METTL15: variants seen among roughly 807,000 people sequenced by gnomAD.
METTL15 encodes the protein 12S rRNA N(4)-cytidine methyltransferase METTL15.
In METTL15, 34 loss-of-function variants were observed where a neutral mutation model predicts 38.3. That is an observed-to-expected ratio of 0.89 (90% CI 0.68 to 1.18). The LOEUF (loss-of-function observed/expected upper bound fraction) is 1.18, where lower values mean the gene tolerates loss of function less well. Ranked by LOEUF, METTL15 falls within the 50% of genes most tolerant of loss-of-function variation. The probability of loss-of-function intolerance (pLI) is 0.00; values close to 1 mark genes in which losing one functional copy is unlikely to be tolerated. For missense variants in METTL15, 438 were observed against 498.4 expected, an observed-to-expected ratio of 0.88 and a Z score of 1.15; for synonymous variants, 162 against 170.9, an observed-to-expected ratio of 0.95 and a Z score of 0.41.
At chr11:28,501,201 G>C (rs1405517357) in intron 6 of METTL15, among the ~76,000 whole-genome samples, 1 of 152,186 alleles carries the variant, frequency 6.6e-6, no homozygotes, top group Non-Finnish European at 1.5e-5. Flanking sequence ...TAGATGGGCA[G>C]CTATGTGCCC....
At chr11:28,258,858 C>G (rs1402127030) in intron 4 of METTL15, among the ~76,000 whole-genome samples, 1 of 152,122 alleles carries the variant, frequency 6.6e-6, no homozygotes, top group Non-Finnish European at 1.5e-5. Flanking sequence ...AGCCTACTTG[C>G]TACTCTGCCC....
At chr11:28,474,606 C>T (rs1026464160) in intron 6 of METTL15, among the ~76,000 whole-genome samples, 1 of 152,160 alleles carries the variant, frequency 6.6e-6, no homozygotes, top group African/African-American at 2.4e-5. Flanking sequence ...ACTGAAAAGA[C>T]TCCTGGTCTA....
intron 6 of METTL15, among the ~76,000 whole-genome samples, chr11:28,452,920 A>C (rs139367063): frequency 1.3e-5 from 2 of 152,194 alleles, no homozygotes; most frequent in Non-Finnish European, 2.9e-5. Flanking sequence ...CACAAATGTT[A>C]TACTTGTGGC....
intron 3 of METTL15, among the ~76,000 whole-genome samples, chr11:28,135,756 TA>T (rs1177692199): frequency 1.3e-5 from 2 of 152,208 alleles, no homozygotes; most frequent in Non-Finnish European, 2.9e-5. Flanking sequence ...GAGAAATAAA[TA>T]TCCTCCAAAT....
chr11:28,382,406 A>G (rs1173210311), intron 5 of METTL15, among the ~76,000 whole-genome samples: 2 of 152,148 alleles, frequency 1.3e-5, no homozygotes, highest in Non-Finnish European at 2.9e-5. Flanking sequence ...CAGGTATCCC[A>G]TGAAAAAACC....
At chr11:28,276,976 C>G (rs1437523048) in intron 4 of METTL15, among the ~76,000 whole-genome samples, 1 of 152,132 alleles carries the variant, frequency 6.6e-6, no homozygotes, top group Non-Finnish European at 1.5e-5. Flanking sequence ...AGAAAACTCT[C>G]CTGTACCTTG....
At chr11:28,315,708 C>T (rs1314226112) in intron 6 of METTL15, among the ~76,000 whole-genome samples, 1 of 152,224 alleles carries the variant, frequency 6.6e-6, no homozygotes, top group African/African-American at 2.4e-5. Context: ...AAGATGGATT[C>T]ATGGGCCAGG....
intron 5 of METTL15, among the ~76,000 whole-genome samples, chr11:28,378,760 AG>A (rs746242141): frequency 0.06 from 4,370 of 72,838 alleles, 237 homozygotes; most frequent in African/African-American, 0.15. Context: ...CCTCCTCTTC[AG>A]TTTTTTTTTT....
At chr11:28,167,857 TAA>T (rs1168463525) in intron 3 of METTL15, among the ~76,000 whole-genome samples, 1 of 152,130 alleles carries the variant, frequency 6.6e-6, no homozygotes, top group East Asian at 1.9e-4. Flanking sequence ...TTATCCAACA[TAA>T]GTTAACTTTT....
chr11:28,395,523 T>A (rs961844416), intron 5 of METTL15, among the ~76,000 whole-genome samples: 1 of 152,116 alleles, frequency 6.6e-6, no homozygotes, highest in South Asian at 2.1e-4. Context: ...GTTAAATTCC[T>A]GGACACATAC....
intron 4 of METTL15, among the ~76,000 whole-genome samples, chr11:28,289,084 C>T (rs1237313637): frequency 6.6e-6 from 1 of 152,102 alleles, no homozygotes; most frequent in African/African-American, 2.4e-5. Context: ...TCTGTTATTT[C>T]TGTGTTTCCA....
chr11:28,142,011 G>A (rs1376944041), intron 3 of METTL15, among the ~76,000 whole-genome samples: 1 of 152,220 alleles, frequency 6.6e-6, no homozygotes, highest in African/African-American at 2.4e-5. Flanking sequence ...TTAGAAGTGA[G>A]ATGAAGTCAG....
At chr11:28,267,414 G>GCATA (rs1028032460) in intron 4 of METTL15, among the ~76,000 whole-genome samples, 1 of 152,040 alleles carries the variant, frequency 6.6e-6, no homozygotes, top group African/African-American at 2.4e-5. Flanking sequence ...GCTCAATAAG[G>GCATA]CATACCTTAC....
Position 28,415,238 on chromosome 11 carries a change from G to A in METTL15, c.*359-9061G>A, listed in dbSNP as rs561999490. 1.1e-4 allele frequency among the ~76,000 whole-genome samples: 16 copies of A among 152,244 alleles called. No individual in the cohort carries two copies. The South Asian group carries it at 1.7e-3, about 16-fold the overall frequency. On this transcript the variant is annotated intron_variant and NMD_transcript_variant, in intron 5 of 7. Transcript: ENST00000532947. ...CTTGCAGTGCCAAAATGGAATTGGC[G>A]AATGGAAACATCTGAATGACTTTCT...
chr11:28,236,857 A>G (rs988983197), intron 4 of METTL15, among the ~76,000 whole-genome samples: 11 of 152,134 alleles, frequency 7.2e-5, no homozygotes, highest in Non-Finnish European at 4.4e-5. Flanking sequence ...TCCTTCAATT[A>G]TGAAGCTTCG....
chr11:28,465,425 C>T (rs927230713), intron 6 of METTL15, among the ~76,000 whole-genome samples: 3 of 152,020 alleles, frequency 2.0e-5, no homozygotes, highest in South Asian at 2.1e-4. Flanking sequence ...TCCTGATGAC[C>T]TCCAAATCTA....
intron 3 of METTL15, chr11:28,134,766 C>T: frequency 2.5e-6 from 1 of 392,278 alleles, no homozygotes; most frequent in Non-Finnish European, 4.5e-6. Context: ...AGACATATAT[C>T]AAAACGAAAC....
intron 3 of METTL15, among the ~76,000 whole-genome samples, chr11:28,173,990 C>A (rs561022873): frequency 1.8e-4 from 27 of 152,216 alleles, no homozygotes; most frequent in African/African-American, 6.5e-4. Flanking sequence ...TTGATGTTGA[C>A]CTCCATTACC....
At chr11:28,428,979 C>T (rs950377711) in intron 6 of METTL15, among the ~76,000 whole-genome samples, 1 of 152,138 alleles carries the variant, frequency 6.6e-6, no homozygotes, top group Non-Finnish European at 1.5e-5. Context: ...CTGGAAGGCT[C>T]ATCACCATGT....
Sources: gnomAD v4.1 joint callset for allele counts (sites outside exome capture counted in the v4.1 genomes callset) on GRCh38, gnomAD v4.1.1 for gene constraint, MANE v1.5 for transcripts, NCBI Gene and HGNC (gene_info 2026-07-23, HGNC 2026-07-21) for gene names.